ACACA: variants seen among roughly 807,000 people sequenced by gnomAD.
ACACA encodes the protein acetyl-CoA carboxylase 1.
Under a neutral mutation model 296.1 loss-of-function variants are expected in ACACA, and 103 were observed. That is an observed-to-expected ratio of 0.35 (90% CI 0.30 to 0.41). The LOEUF is 0.41. ACACA is among the 10% of genes least tolerant of loss of function. The pLI is 1.00. For missense variants in ACACA, 1,554 were observed against 2,989.7 expected, an observed-to-expected ratio of 0.52 and a Z score of 11.20; for synonymous variants, 953 against 1,038.6, an observed-to-expected ratio of 0.92 and a Z score of 1.58.
At chr17:37,246,359 C>T (rs1444564799) in intron 19 of ACACA, among the ~76,000 whole-genome samples, 4 of 152,088 alleles carry the variant, frequency 2.6e-5, no homozygotes, top group Non-Finnish European at 5.9e-5. Flanking sequence ...TCTTAAGGTT[C>T]GCACTTCTAA....
intron 24 of ACACA, among the ~76,000 whole-genome samples, chr17:37,236,282 A>G (rs2080107731): frequency 6.6e-6 from 1 of 152,230 alleles, no homozygotes; most frequent in African/African-American, 2.4e-5. Context: ...TGCCAATTTC[A>G]TAAAAGACAC....
At chr17:37,200,585 C>A in intron 33 of ACACA, 102 bp from the exon 34 acceptor site, 3 of 1,059,678 alleles carry the variant, frequency 2.8e-6, no homozygotes, top group Non-Finnish European at 4.3e-6. Flanking sequence ...GTTAAACATC[C>A]TTTTTGGATA....
At chr17:37,169,308 A>G (rs2076799692) in intron 41 of ACACA, among the ~76,000 whole-genome samples, 1 of 152,224 alleles carries the variant, frequency 6.6e-6, no homozygotes, top group African/African-American at 2.4e-5. Context: ...TACCCAACTC[A>G]ACTAATCACC....
intron 9 of ACACA, 42 bp downstream of exon 9, chr17:37,274,151 T>C (rs1449698179): frequency 6.6e-7 from 1 of 1,520,392 alleles, no homozygotes; most frequent in African/African-American, 1.4e-5. Context: ...TGACTATAAC[T>C]GGTCAGCTGA....
rs141741784 is a variant in ACACA at position 37,350,393 on chromosome 17, G to A, written c.39-10543C>T. ...AAATTAGCTGGGTGTGGTGGCACAT[G>A]CCTGTAGTCCCAGCTACTTGGGACC... is the stretch of plus-strand genomic sequence containing the variant. On this transcript the variant is annotated intron_variant, in intron 1 of 55. Transcript: ENST00000616317. Among the ~76,000 whole-genome samples the A allele has an allele frequency of 2.4e-3, 362 of 151,214 alleles. 2 individuals are homozygous for A. Among genetic ancestry groups the A allele is most frequent in the African/African-American group, 8.2e-3 (340 of 41,274 alleles).
In ACACA at chr17:37,179,324, GTGTAAGTC is replaced by G; in HGVS notation, c.5007_5014del (p.Thr1670Ter). On this transcript the variant is annotated frameshift_variant, in exon 41 of 56. Coordinates refer to ENST00000616317, the MANE Select transcript of ACACA (RefSeq NM_198834.3). LOFTEE classifies it high-confidence loss of function. ...ACCTTGATCATCCAGTACCAGTTCA[GTGTAAGTC>G]AGCATGTCAGAAGGCAGAGGGGGAG... The G allele has an allele frequency of 6.2e-7, 1 of 1,614,158 alleles. No individual in the cohort carries two copies. The highest frequency in any genetic ancestry group is 8.5e-7 in the Non-Finnish European group (1 of 1,180,022).
chr17:37,189,519 C>A (rs1169788242), intron 38 of ACACA, among the ~76,000 whole-genome samples: 2 of 152,114 alleles, frequency 1.3e-5, no homozygotes, highest in Non-Finnish European at 2.9e-5. Flanking sequence ...CTTGAGGGAA[C>A]AAAAGCCAAC....
At chr17:37,110,082 A>G (rs1189595522) in intron 52 of ACACA, among the ~76,000 whole-genome samples, 1 of 152,258 alleles carries the variant, frequency 6.6e-6, no homozygotes, top group Non-Finnish European at 1.5e-5. Context: ...AAAGAAAAAA[A>G]AAAGGGAAAA....
chr17:37,264,612 T>C (rs568357960), intron 10 of ACACA, among the ~76,000 whole-genome samples: 1 of 152,340 alleles, frequency 6.6e-6, no homozygotes, highest in African/African-American at 2.4e-5. Context: ...GAATCTGTCC[T>C]TGGTATCTTT....
chr17:37,121,559 C>T (rs539464319), intron 49 of ACACA, 69 bp from the exon 50 acceptor site: 75 of 1,586,620 alleles, frequency 4.7e-5, no homozygotes, highest in Non-Finnish European at 6.0e-5. Context: ...CCAAGGTGAA[C>T]AAGATTTTAC....
In ACACA at chr17:37,320,310, G is replaced by A. The variant is rs370753340; in HGVS notation, c.338+9863C>T. ...GTAGATCACCTGAGGTCAGGAGTTC[G>A]AGACCAGCTGGCCAACATGGCGAAA... On this transcript the variant is annotated intron_variant, in intron 3 of 55. Transcript: ENST00000616317. Among the ~76,000 whole-genome samples, 853 of 151,982 alleles carry A rather than the reference G, an allele frequency of 5.6e-3. 4 individuals are homozygous for A. Among genetic ancestry groups the A allele is most frequent in the Middle Eastern group, 0.024 (7 of 294 alleles).
At chr17:37,286,220 TAAAATA>T (rs368257051) in intron 3 of ACACA, among the ~76,000 whole-genome samples, 111 of 152,232 alleles carry the variant, frequency 7.3e-4, no homozygotes, top group African/African-American at 2.6e-3. Context: ...TAGTGGTACA[TAAAATA>T]ACAGTGTTTC....
chr17:37,285,830 C>CA (rs925946508), intron 3 of ACACA, among the ~76,000 whole-genome samples: 79 of 147,956 alleles, frequency 5.3e-4, no homozygotes, highest in African/African-American at 1.5e-3. Context: ...ATGGGTGTCT[C>CA]AAAAAAAAAA....
At chr17:37,307,574 C>A (rs2083939799) in intron 3 of ACACA, among the ~76,000 whole-genome samples, 1 of 151,904 alleles carries the variant, frequency 6.6e-6, no homozygotes, top group Admixed American at 6.6e-5. Flanking sequence ...TGTTGAATGT[C>A]TTTTTTCTTA....
intron 30 of ACACA, among the ~76,000 whole-genome samples, chr17:37,209,476 C>G (rs1261829623): frequency 2.0e-5 from 3 of 152,108 alleles, no homozygotes; most frequent in African/African-American, 7.2e-5. Flanking sequence ...TGGGAAATAT[C>G]GACTATTCAG....
intron 35 of ACACA, among the ~76,000 whole-genome samples, chr17:37,199,181 A>G (rs1445385934): frequency 1.3e-5 from 2 of 151,872 alleles, no homozygotes; most frequent in Non-Finnish European, 2.9e-5. Context: ...CGGAGGTTGC[A>G]GTGAGCTGAG....
At chr17:37,342,240 T>C (rs1289729197) in intron 1 of ACACA, among the ~76,000 whole-genome samples, 1 of 150,854 alleles carries the variant, frequency 6.6e-6, no homozygotes, top group African/African-American at 2.4e-5. Flanking sequence ...AAACCCCGCC[T>C]CTACTAAAAC....
chr17:37,159,231 T>C (rs2076370795), intron 42 of ACACA, among the ~76,000 whole-genome samples: 1 of 151,994 alleles, frequency 6.6e-6, no homozygotes, highest in Non-Finnish European at 1.5e-5. Context: ...ATTTTGGTTT[T>C]TAAAGTTTTT....
At chr17:37,167,696 C>CAAAA (rs540610206) in intron 41 of ACACA, among the ~76,000 whole-genome samples, 33 of 75,604 alleles carry the variant, frequency 4.4e-4, no homozygotes, top group African/African-American at 1.2e-3. Context: ...CAAAAACTGG[C>CAAAA]AAAAAAAAAA....
Sources: allele counts gnomAD v4.1 joint callset (sites outside exome capture counted in the v4.1 genomes callset), GRCh38; gene constraint gnomAD v4.1.1; transcripts MANE v1.5; gene names NCBI Gene and HGNC (gene_info 2026-07-23, HGNC 2026-07-21).